Variants in MTM1 observed in about 807,000 individuals in gnomAD.
MTM1 encodes the protein myotubularin 1.
A neutral mutation model predicts 52.1 loss-of-function variants in MTM1; 9 were observed. That is an observed-to-expected ratio of 0.17 (90% CI 0.10 to 0.30). The LOEUF is 0.30. MTM1 is among the 10% of genes least tolerant of loss of function. The probability of loss-of-function intolerance (pLI) is 1.00; values close to 1 mark genes in which losing one functional copy is unlikely to be tolerated. For missense variants in MTM1, 277 were observed against 470.7 expected, an observed-to-expected ratio of 0.59 and a Z score of 3.81; for synonymous variants, 136 against 163.8, an observed-to-expected ratio of 0.83 and a Z score of 1.29.
At chrX:150,594,718 A>G (rs782235836) in intron 2 of MTM1, among the ~76,000 whole-genome samples, 1 of 112,222 alleles carries the variant, frequency 8.9e-6, no homozygotes, top group African/African-American at 3.2e-5. Context: ...GGTATAATGT[A>G]TAGCCTATGT....
chrX:150,570,508 C>T (rs1557411411), intron 1 of MTM1, among the ~76,000 whole-genome samples: 1 of 111,577 alleles, frequency 9.0e-6, no homozygotes, highest in Non-Finnish European at 1.9e-5. Context: ...TTTTTACTCA[C>T]ATTTCCCCCC....
chrX:150,563,871 G>C (rs1041326322), upstream of MTM1, among the ~76,000 whole-genome samples: 22 of 111,364 alleles, frequency 2.0e-4, no homozygotes, highest in African/African-American at 6.9e-4. Context: ...GGAAGGCAGA[G>C]TAAAACTCTG....
intron 6 of MTM1, among the ~76,000 whole-genome samples, chrX:150,626,959 C>T (rs2039580069): frequency 9.0e-6 from 1 of 111,371 alleles, no homozygotes; most frequent in African/African-American, 3.3e-5. Context: ...CCTCTATTCT[C>T]GTTGATCTCT....
chrX:150,565,590 A>G (rs1287014962), upstream of MTM1, among the ~76,000 whole-genome samples: 4 of 110,652 alleles, frequency 3.6e-5, no homozygotes, highest in East Asian at 1.1e-3. Flanking sequence ...GAAACAGGCC[A>G]TTTCCTCGCT....
At chrX:150,623,990 C>T (rs1476625586) in intron 6 of MTM1, among the ~76,000 whole-genome samples, 3 of 111,444 alleles carry the variant, frequency 2.7e-5, no homozygotes, top group Non-Finnish European at 5.7e-5. Context: ...GTCCTGACTC[C>T]GGCCAGGTCA....
chrX:150,585,258 C>T (rs782612518), intron 1 of MTM1, among the ~76,000 whole-genome samples: 16 of 111,547 alleles, frequency 1.4e-4, no homozygotes, highest in African/African-American at 4.9e-4. Flanking sequence ...AACCTTTTCT[C>T]CTCTCTTCAG....
Position 150,671,676 on chromosome X carries a change from T to A in MTM1, c.*81T>A. Reference sequence around the variant, plus strand: ...TTTGGGGCATTTGTAAAAAGTAGATTAAAATATTTGCCTCCATGTAGAACT... The same window carrying A: ...TTTGGGGCATTTGTAAAAAGTAGATAAAAATATTTGCCTCCATGTAGAACT... On this transcript the variant is annotated 3_prime_UTR_variant, in exon 15 of 15. Transcript: ENST00000370396. The A allele has an allele frequency of 9.4e-7, 1 of 1,064,514 alleles. No individual in the cohort carries two copies. Among genetic ancestry groups the A allele is most frequent in the Admixed American group, 2.3e-5 (1 of 44,397 alleles). The allele number at this position is 1,064,514 out of a possible 1,213,427, so 87.7% of individuals were successfully genotyped here.
chrX:150,631,049 T>C (rs1310382241), intron 6 of MTM1, among the ~76,000 whole-genome samples: 14 of 112,223 alleles, frequency 1.2e-4, no homozygotes, highest in African/African-American at 3.9e-4. Context: ...ACAGTGTTTA[T>C]TGGGGCTGGC....
chrX:150,613,764 G>A (rs2039332999), intron 4 of MTM1, among the ~76,000 whole-genome samples: 2 of 111,913 alleles, frequency 1.8e-5, no homozygotes, highest in Admixed American at 9.5e-5. Flanking sequence ...TTTCCTACAT[G>A]GCAGCTGCTG....
chrX:150,618,396 G>A (rs1194976528), intron 5 of MTM1, among the ~76,000 whole-genome samples: 1 of 111,876 alleles, frequency 8.9e-6, no homozygotes, highest in African/African-American at 3.3e-5. Context: ...CTTGACACCT[G>A]TAATCCTGGC....
chrX:150,637,928 T>C (rs146636610), intron 6 of MTM1, among the ~76,000 whole-genome samples: 96 of 112,054 alleles, frequency 8.6e-4, no homozygotes, highest in African/African-American at 3.1e-3. Flanking sequence ...CCTCGCAAAG[T>C]GGAAAGCTAC....
intron 1 of MTM1, among the ~76,000 whole-genome samples, chrX:150,588,583 T>G (rs1312048966): frequency 1.8e-5 from 2 of 111,766 alleles, no homozygotes; most frequent in African/African-American, 6.5e-5. Flanking sequence ...AGTTCCTTAG[T>G]CTGGAAAAAG....
chrX:150,564,331 A>G (rs1557411149), upstream of MTM1, among the ~76,000 whole-genome samples: 4 of 111,740 alleles, frequency 3.6e-5, no homozygotes, highest in South Asian at 3.7e-4. Flanking sequence ...TGGCTTAGCT[A>G]TGGGTTTAAT....
intron 14 of MTM1, among the ~76,000 whole-genome samples, chrX:150,670,341 A>G (rs222417): frequency 0.26 from 28,996 of 111,076 alleles, 3,420 homozygotes; most frequent in African/African-American, 0.47. Context: ...CTATTAACTC[A>G]CTTCACTCAC....
intron 14 of MTM1, among the ~76,000 whole-genome samples, chrX:150,664,872 G>A (rs1032681007): frequency 8.9e-6 from 1 of 112,130 alleles, no homozygotes; most frequent in East Asian, 2.8e-4. Context: ...CAGTTTTTGT[G>A]TAAGTCCTGT....
chrX:150,599,001 T>C lies in MTM1; in HGVS notation c.231+315T>C, dbSNP rs781932431. Among the ~76,000 whole-genome samples, 7 of 111,824 alleles carry C rather than the reference T, an allele frequency of 6.3e-5. No individual in the cohort carries two copies. The East Asian group carries it at 8.3e-4, about 13-fold the overall frequency. Reference sequence around the variant, plus strand: ...CAGAAGCACATATGAAACCCACTTATGGAGCTTAACAACACAGTATCCATA... The same window carrying C: ...CAGAAGCACATATGAAACCCACTTACGGAGCTTAACAACACAGTATCCATA... On this transcript the variant is annotated intron_variant, in intron 4 of 14. Coordinates refer to ENST00000370396, the MANE Select transcript of MTM1 (RefSeq NM_000252.3).
chrX:150,605,228 T>C (rs2039135749), intron 4 of MTM1, among the ~76,000 whole-genome samples: 1 of 111,874 alleles, frequency 8.9e-6, no homozygotes, highest in Non-Finnish European at 1.9e-5. Flanking sequence ...ATTTCACACA[T>C]CCCTTTTTAA....
At chrX:150,646,200 C>T (rs1201715873) in intron 9 of MTM1, among the ~76,000 whole-genome samples, 1 of 111,988 alleles carries the variant, frequency 8.9e-6, no homozygotes, top group Non-Finnish European at 1.9e-5. Flanking sequence ...ATTGGGGCAT[C>T]TGTAAGAAGC....
the MTM1 span, among the ~76,000 whole-genome samples, chrX:150,562,694 T>A: frequency 3.6e-4 from 40 of 112,033 alleles, 1 homozygote; most frequent in African/African-American, 1.2e-3. Flanking sequence ...TGTTTTCATG[T>A]CCCATTACTT....
Sources: allele counts gnomAD v4.1 joint callset (sites outside exome capture counted in the v4.1 genomes callset), GRCh38; gene constraint gnomAD v4.1.1; transcripts MANE v1.5; gene names NCBI Gene and HGNC (gene_info 2026-07-23, HGNC 2026-07-21).